PCDH15: variants seen among roughly 807,000 people sequenced by gnomAD.
The protein encoded by PCDH15 is protocadherin-15.
A neutral mutation model predicts 178.5 loss-of-function variants in PCDH15; 129 were observed. The observed-to-expected ratio is 0.72, with a 90% CI of 0.63 to 0.84. PCDH15 has a LOEUF of 0.84. PCDH15 is among the 40% of genes least tolerant of loss of function. PCDH15 has a pLI of 0.00. For synonymous variants in PCDH15, 800 were observed against 732.0 expected, an observed-to-expected ratio of 1.09 and a Z score of -1.50; for missense variants, 2,230 against 2,099.9, an observed-to-expected ratio of 1.06 and a Z score of -1.21.
intron 2 of PCDH15, among the ~76,000 whole-genome samples, chr10:55,566,675 A>C (rs970432484): frequency 1.3e-5 from 2 of 151,832 alleles, no homozygotes; most frequent in Non-Finnish European, 1.5e-5. Context: ...TAATAAAATA[A>C]TTTAATTTGC....
At chr10:55,319,510 G>A (rs1843828155) in intron 1 of PCDH15, 1 of 152,170 alleles carries the variant, frequency 6.6e-6, no homozygotes, top group Admixed American at 6.5e-5. Flanking sequence ...GGGTCACCGG[G>A]AAGACTGACG....
In PCDH15 at chr10:54,067,580, A is replaced by T. The variant is rs2094160760; in HGVS notation, c.2092-695T>A. On this transcript the variant is annotated intron_variant, in intron 17 of 37. Transcript: ENST00000644397. ...CTGCACAATCAATGACTATCTTCAT[A>T]AGTGATTCAAGCTGGAAACTGCTCT... 2.6e-5 allele frequency among the ~76,000 whole-genome samples: 4 copies of T among 152,132 alleles called. No homozygotes were observed. In the South Asian group the frequency reaches 8.3e-4, roughly 32 times the overall value.
chr10:54,686,929 C>G (rs542865956), intron 1 of PCDH15, among the ~76,000 whole-genome samples: 1 of 144,530 alleles, frequency 6.9e-6, no homozygotes, highest in Non-Finnish European at 1.6e-5. Context: ...TCCTGTAACT[C>G]AATAAAGCAT....
intron 1 of PCDH15, among the ~76,000 whole-genome samples, chr10:54,763,808 T>C (rs953392553): frequency 6.7e-6 from 1 of 149,024 alleles, no homozygotes; most frequent in African/African-American, 2.4e-5. Context: ...AACTCTTATG[T>C]ATCCATTAAA....
chr10:55,320,774 G>C (rs1361376069), upstream of PCDH15, among the ~76,000 whole-genome samples: 1 of 151,994 alleles, frequency 6.6e-6, no homozygotes, highest in Non-Finnish European at 1.5e-5. Flanking sequence ...AAAATAAAAA[G>C]CTCACTCAAA....
chr10:53,971,944 AT>A (rs1201547607), intron 21 of PCDH15, among the ~76,000 whole-genome samples: 2 of 125,110 alleles, frequency 1.6e-5, no homozygotes, highest in Non-Finnish European at 1.7e-5. Context: ...ACTACTTTAA[AT>A]TTCATATGGA....
intron 3 of PCDH15, among the ~76,000 whole-genome samples, chr10:54,506,178 G>A (rs928499505): frequency 6.6e-6 from 1 of 151,976 alleles, no homozygotes; most frequent in Non-Finnish European, 1.5e-5. Context: ...TTTTTGCGTG[G>A]AAAATATCAC....
chr10:53,955,177 T>C (rs1279758350), intron 23 of PCDH15, among the ~76,000 whole-genome samples: 1 of 152,200 alleles, frequency 6.6e-6, no homozygotes, highest in Admixed American at 6.5e-5. Context: ...TAAGGAAATC[T>C]CTAGATGTGG....
At chr10:55,416,442 T>C (rs1203115324) in intron 2 of PCDH15, among the ~76,000 whole-genome samples, 1 of 151,806 alleles carries the variant, frequency 6.6e-6, no homozygotes, top group Non-Finnish European at 1.5e-5. Context: ...TGTAATTACA[T>C]ATGTCATCTA....
At chr10:55,595,542 T>A (rs1175119037) in intron 2 of PCDH15, among the ~76,000 whole-genome samples, 5 of 152,076 alleles carry the variant, frequency 3.3e-5, no homozygotes, top group Admixed American at 6.6e-5. Flanking sequence ...TCAGTATTTT[T>A]AAAAACTATG....
At chr10:54,600,436 G>A in intron 2 of PCDH15, 1 of 578,680 alleles carries the variant, frequency 1.7e-6, no homozygotes. Context: ...CAATGACCTA[G>A]ACTTAAGCCC....
At chr10:54,458,620 A>G (rs2076980859) in intron 3 of PCDH15, among the ~76,000 whole-genome samples, 1 of 152,048 alleles carries the variant, frequency 6.6e-6, no homozygotes, top group Admixed American at 6.6e-5. Context: ...ATAAACATCT[A>G]TCATAGCTTA....
intron 2 of PCDH15, among the ~76,000 whole-genome samples, chr10:54,908,563 C>T (rs1442836567): frequency 6.6e-6 from 1 of 152,214 alleles, no homozygotes; most frequent in Non-Finnish European, 1.5e-5. Context: ...CCGCCCATAT[C>T]GTGTTACAGT....
At chr10:55,541,298 A>G (rs1841754603) in intron 2 of PCDH15, among the ~76,000 whole-genome samples, 1 of 152,044 alleles carries the variant, frequency 6.6e-6, no homozygotes, top group Non-Finnish European at 1.5e-5. Context: ...CTCTGGTGCC[A>G]ACTATATCCC....
chr10:54,827,320 G>A (rs1237750603), intron 3 of PCDH15, among the ~76,000 whole-genome samples: 2 of 152,032 alleles, frequency 1.3e-5, no homozygotes, highest in East Asian at 1.9e-4. Flanking sequence ...ATACTGCAGT[G>A]AACACTTTAT....
At chr10:54,300,047 A>G (rs2060053243) in intron 8 of PCDH15, among the ~76,000 whole-genome samples, 1 of 152,156 alleles carries the variant, frequency 6.6e-6, no homozygotes, top group African/African-American at 2.4e-5. Flanking sequence ...ATCTATCCTT[A>G]CTCTACAATC....
chr10:54,030,427 T>C (rs2093260573), intron 18 of PCDH15, among the ~76,000 whole-genome samples: 1 of 150,540 alleles, frequency 6.6e-6, no homozygotes, highest in Admixed American at 6.7e-5. Flanking sequence ...ATTATTAGTG[T>C]AAAAGGAGAC....
chr10:54,620,406 C>T (rs1224331125), intron 2 of PCDH15, among the ~76,000 whole-genome samples: 2 of 151,938 alleles, frequency 1.3e-5, no homozygotes, highest in East Asian at 3.9e-4. Context: ...TATTTCTAGT[C>T]TTATAAATGA....
chr10:53,942,022 T>C (rs1413984537), intron 23 of PCDH15, among the ~76,000 whole-genome samples: 1 of 152,226 alleles, frequency 6.6e-6, no homozygotes, highest in Non-Finnish European at 1.5e-5. Flanking sequence ...AAATTTAGTC[T>C]GAAGTATAGG....
Sources: allele counts gnomAD v4.1 joint callset (sites outside exome capture counted in the v4.1 genomes callset), GRCh38; gene constraint gnomAD v4.1.1; transcripts MANE v1.5; gene names NCBI Gene and HGNC (gene_info 2026-07-23, HGNC 2026-07-21).